Variants in TAF4B observed in about 807,000 individuals in gnomAD.
TAF4B encodes TATA-box binding protein associated factor 4b.
TAF4B carries 38 observed loss-of-function variants against 86.4 expected under a neutral mutation model. That is an observed-to-expected ratio of 0.44 (90% CI 0.34 to 0.58). The LOEUF is 0.58. Among genes scored for constraint, TAF4B ranks in the 20% least tolerant of loss-of-function variants. The pLI, the probability that TAF4B is intolerant of heterozygous loss-of-function variation, is 0.02. For synonymous variants in TAF4B, 388 were observed against 391.2 expected (o/e 0.99, Z 0.10); for missense variants, 988 against 1,027.6 (o/e 0.96, Z 0.53).
intron 13 of TAF4B, among the ~76,000 whole-genome samples, chr18:26,339,160 T>A (rs973652729): frequency 2.2e-4 from 34 of 152,218 alleles, no homozygotes; most frequent in African/African-American, 8.0e-4. Flanking sequence ...GAAAAAACAT[T>A]ATAAGCGTCC....
chr18:26,253,994 T>C (rs1224971660), intron 1 of TAF4B, among the ~76,000 whole-genome samples: 2 of 148,914 alleles, frequency 1.3e-5, no homozygotes, highest in Admixed American at 6.8e-5. Flanking sequence ...GGCATGATCT[T>C]AGCTCACTAC....
Position 26,285,222 on chromosome 18 carries a change from G to GTTTTTTTTTTTTGTTTTTTTTTGTTT in TAF4B, c.973-648_973-647insGTTTTTTTTTGTTTTTTTTTTTTTTT, listed in dbSNP as rs2056501259. On this transcript the variant is annotated intron_variant, in intron 6 of 14. Transcript: ENST00000269142. ...ATTTCTTCCTTTCCTTTTTTTTTTT[G>GTTTTTTTTTTTTGTTTTTTTTTGTTT]TTTTTTTTTTTTTTGGAGATGGGGT... Among the ~76,000 whole-genome samples, 3 of 45,660 alleles carry GTTTTTTTTTTTTGTTTTTTTTTGTTT rather than the reference G, an allele frequency of 6.6e-5. 1 individual carries two copies. Among genetic ancestry groups the GTTTTTTTTTTTTGTTTTTTTTTGTTT allele is most frequent in the Non-Finnish European group, 9.0e-5 (2 of 22,272 alleles). 30.0% of individuals were successfully genotyped at this position (45,660 alleles called of 152,430 possible). A position where few individuals can be genotyped will look rare whatever the true frequency, so the allele number is the denominator to read the frequency against.
intron 13 of TAF4B, among the ~76,000 whole-genome samples, chr18:26,345,798 A>G (rs924526214): frequency 6.6e-6 from 1 of 152,214 alleles, no homozygotes; most frequent in Non-Finnish European, 1.5e-5. Flanking sequence ...ATGAAAAGGA[A>G]CACAATAATT....
At chr18:26,233,204 A>T (rs150235051) in intron 1 of TAF4B, among the ~76,000 whole-genome samples, 1 of 152,096 alleles carries the variant, frequency 6.6e-6, no homozygotes, top group Non-Finnish European at 1.5e-5. Context: ...AGCTCTGGTG[A>T]GCGGCTGGGA....
intron 13 of TAF4B, among the ~76,000 whole-genome samples, chr18:26,341,023 G>A (rs1013777722): frequency 1.3e-5 from 2 of 151,942 alleles, no homozygotes; most frequent in African/African-American, 4.8e-5. Flanking sequence ...AAGATTGCGT[G>A]CATACTTTAT....
intron 14 of TAF4B, among the ~76,000 whole-genome samples, chr18:26,383,279 A>G (rs143974291): frequency 6.6e-6 from 1 of 152,334 alleles, no homozygotes; most frequent in East Asian, 1.9e-4. Context: ...AGTGTAAGCA[A>G]TATTAACACT....
At chr18:26,265,408 G>GT (rs2056225614) in intron 2 of TAF4B, 93 bp downstream of exon 2, 3 of 1,372,744 alleles carry the variant, frequency 2.2e-6, no homozygotes, top group African/African-American at 3.0e-5. Flanking sequence ...AAAAAATAAT[G>GT]TAAGACATGA....
intron 12 of TAF4B, among the ~76,000 whole-genome samples, chr18:26,334,098 AAGAGTT>A (rs1330614549): frequency 1.3e-5 from 2 of 152,110 alleles, no homozygotes; most frequent in Non-Finnish European, 2.9e-5. Flanking sequence ...AGAGTAACAA[AAGAGTT>A]TATCTTTTCG....
intron 9 of TAF4B, among the ~76,000 whole-genome samples, chr18:26,305,379 A>G (rs1265464450): frequency 3.3e-5 from 5 of 152,194 alleles, no homozygotes; most frequent in Admixed American, 3.3e-4. Flanking sequence ...AAAAAGGGCA[A>G]ATTTCATTTT....
At chr18:26,280,158 A>G (rs1216411979) in intron 5 of TAF4B, among the ~76,000 whole-genome samples, 1 of 152,192 alleles carries the variant, frequency 6.6e-6, no homozygotes, top group Non-Finnish European at 1.5e-5. Context: ...ATATATAAAA[A>G]TTAACTTGAG....
chr18:26,258,819 G>A (rs191496805), intron 1 of TAF4B, among the ~76,000 whole-genome samples: 59 of 151,862 alleles, frequency 3.9e-4, no homozygotes, highest in African/African-American at 1.2e-3. Flanking sequence ...AACCTCTCCA[G>A]TAGCTGGGAT....
intron 6 of TAF4B, 52 bp downstream of exon 6, chr18:26,282,112 A>C: frequency 7.3e-7 from 1 of 1,372,140 alleles, no homozygotes; most frequent in Non-Finnish European, 1.0e-6. Flanking sequence ...TTACTCTAAA[A>C]TAATTAAAAA....
At chr18:26,350,419 C>T (rs903475250) in intron 13 of TAF4B, among the ~76,000 whole-genome samples, 2 of 152,134 alleles carry the variant, frequency 1.3e-5, no homozygotes, top group Non-Finnish European at 2.9e-5. Context: ...TGCCTATACT[C>T]TCAACACTTG....
At chr18:26,341,498 A>G (rs956333048) in intron 13 of TAF4B, among the ~76,000 whole-genome samples, 3 of 152,198 alleles carry the variant, frequency 2.0e-5, no homozygotes, top group Non-Finnish European at 2.9e-5. Context: ...TACACAATTT[A>G]TAAATCAAAT....
intron 13 of TAF4B, among the ~76,000 whole-genome samples, chr18:26,336,848 C>G (rs2057096205): frequency 6.6e-6 from 1 of 152,220 alleles, no homozygotes; most frequent in Non-Finnish European, 1.5e-5. Context: ...CCTGTCTGTT[C>G]TTCCTTCATA....
In TAF4B at chr18:26,265,221, A is replaced by C. The variant is rs1301362934; in HGVS notation, c.395A>C (p.Gln132Pro). ...NSGPLMLVSP[Q>P]QTVTRAETTS... is the part of the protein sequence containing the mutation. ...GGTCCGTTGATGTTGGTATCTCCTC[A>C]GCAAACTGTAACAAGAGCCGAGACC... Residue 132 changes from glutamine (Q) to proline (P), a missense_variant, in exon 2 of 15, where the codon CAG becomes CCG. Gln to Pro is a moderately conservative substitution (Grantham distance 76). Transcript: ENST00000269142. 1.2e-6 allele frequency: 2 copies of C among 1,614,116 alleles called. No individual in the cohort carries two copies. Among genetic ancestry groups the C allele is most frequent in the Non-Finnish European group, 1.7e-6 (2 of 1,180,028 alleles).
At chr18:26,269,735 G>A (rs1173624906) in intron 3 of TAF4B, among the ~76,000 whole-genome samples, 1 of 151,912 alleles carries the variant, frequency 6.6e-6, no homozygotes, top group East Asian at 1.9e-4. Context: ...TTTCATCCTT[G>A]TGACTATACT....
intron 1 of TAF4B, among the ~76,000 whole-genome samples, chr18:26,237,302 C>G (rs1014877310): frequency 6.6e-6 from 1 of 152,164 alleles, no homozygotes; most frequent in African/African-American, 2.4e-5. Flanking sequence ...AGACATCTCT[C>G]CAAGTGAGGT....
intron 5 of TAF4B, among the ~76,000 whole-genome samples, chr18:26,280,775 T>A (rs537800357): frequency 6.6e-6 from 1 of 152,266 alleles, no homozygotes; most frequent in Admixed American, 6.5e-5. Context: ...GAACTACCAT[T>A]TGACCCAGCA....
Sources: gnomAD v4.1 joint callset for allele counts (sites outside exome capture counted in the v4.1 genomes callset) on GRCh38, gnomAD v4.1.1 for gene constraint, MANE v1.5 for transcripts, NCBI Gene and HGNC (gene_info 2026-07-23, HGNC 2026-07-21) for gene names.